MCTP1: variants seen among roughly 807,000 people sequenced by gnomAD.
The protein encoded by MCTP1 is multiple C2 and transmembrane domain-containing protein 1.
A neutral mutation model predicts 120.6 loss-of-function variants in MCTP1; 69 were observed. That is an observed-to-expected ratio of 0.57 (90% CI 0.47 to 0.70). The LOEUF (loss-of-function observed/expected upper bound fraction) is 0.70. Among genes scored for constraint, MCTP1 ranks in the 30% least tolerant of loss-of-function variants. The pLI is 0.00. For missense variants in MCTP1, 1,203 were observed against 1,248.8 expected, an observed-to-expected ratio of 0.96 and a Z score of 0.55; for synonymous variants, 529 against 493.1, an observed-to-expected ratio of 1.07 and a Z score of -0.96.
chr5:94,996,462 A>T (rs116106687), intron 2 of MCTP1, among the ~76,000 whole-genome samples: 2,515 of 152,302 alleles, frequency 0.017, 39 homozygotes, highest in Non-Finnish European at 0.025. Flanking sequence ...TGGCTCTAGG[A>T]TGCCCCGTGG....
At chr5:94,817,764 C>G (rs1784788277) in intron 17 of MCTP1, among the ~76,000 whole-genome samples, 1 of 152,146 alleles carries the variant, frequency 6.6e-6, no homozygotes, top group African/African-American at 2.4e-5. Flanking sequence ...TCATCTGAAC[C>G]ATTATTGGTT....
chr5:95,158,329 C>CT (rs939826525), intron 1 of MCTP1, among the ~76,000 whole-genome samples: 2 of 152,084 alleles, frequency 1.3e-5, no homozygotes, highest in Non-Finnish European at 2.9e-5. Flanking sequence ...TTCTATAGGC[C>CT]TTTGTGCATT....
chr5:95,099,345 A>G (rs968468975), intron 1 of MCTP1, among the ~76,000 whole-genome samples: 4 of 151,054 alleles, frequency 2.6e-5, no homozygotes, highest in African/African-American at 9.7e-5. Flanking sequence ...AACCCACAAA[A>G]TGGGAGAAAA....
chr5:95,211,691 C>T lies in MCTP1; in HGVS notation c.720+72165G>A, dbSNP rs188188999. On this transcript the variant is annotated intron_variant, in intron 1 of 22. Transcript: ENST00000515393. ...CACTCAACTTGTCAAAGTCATTCTCCGTCCAGCTTTGTCCCATTGCTGGTG... is the reference window on the plus strand; with the variant it reads ...CACTCAACTTGTCAAAGTCATTCTCTGTCCAGCTTTGTCCCATTGCTGGTG... 3.6e-3 allele frequency among the ~76,000 whole-genome samples: 551 copies of T among 152,292 alleles called. 6 individuals carry two copies. Among genetic ancestry groups the T allele is most frequent in the African/African-American group, 0.012 (505 of 41,564 alleles).
At chr5:94,856,232 C>T (rs1233033386) in intron 17 of MCTP1, among the ~76,000 whole-genome samples, 1 of 151,690 alleles carries the variant, frequency 6.6e-6, no homozygotes, top group Admixed American at 6.6e-5. Flanking sequence ...TAAAATTCTT[C>T]AATCATGTTA....
At chr5:95,227,627 T>A (rs773061191) in intron 1 of MCTP1, among the ~76,000 whole-genome samples, 5 of 152,322 alleles carry the variant, frequency 3.3e-5, no homozygotes, top group Non-Finnish European at 7.4e-5. Flanking sequence ...AGGGCACATG[T>A]ACAATTGTCT....
At chr5:94,807,037 T>C (rs910603769) in intron 17 of MCTP1, among the ~76,000 whole-genome samples, 6 of 152,234 alleles carry the variant, frequency 3.9e-5, no homozygotes, top group African/African-American at 1.4e-4. Context: ...TATTAACCCA[T>C]TTTTTACCCA....
At chr5:94,904,826 T>C (rs1387291805) in intron 10 of MCTP1, among the ~76,000 whole-genome samples, 1 of 152,214 alleles carries the variant, frequency 6.6e-6, no homozygotes, top group Non-Finnish European at 1.5e-5. Context: ...CCAGGAAATA[T>C]TTACTGAGTG....
intron 17 of MCTP1, among the ~76,000 whole-genome samples, chr5:94,838,395 C>T (rs1032774323): frequency 2.0e-5 from 3 of 152,182 alleles, no homozygotes; most frequent in Non-Finnish European, 2.9e-5. Flanking sequence ...ATTCTTGTAA[C>T]TGAAAATGTC....
In MCTP1 at chr5:94,989,780, C is replaced by G. The variant is rs150992965; in HGVS notation, c.838+27587G>C. Among the ~76,000 whole-genome samples the G allele has an allele frequency of 1.6e-3, 238 of 152,244 alleles. 2 individuals are homozygous for G. The highest frequency in any genetic ancestry group is 5.4e-3 in the African/African-American group (225 of 41,544). On this transcript the variant is annotated intron_variant, in intron 2 of 22. Transcript: ENST00000515393. Reference sequence around the variant, plus strand: ...AGGGGATCCAGATTGAGATCAATCACCAATGGCCAGTGGCTTAATCAACCA... The same window carrying G: ...AGGGGATCCAGATTGAGATCAATCAGCAATGGCCAGTGGCTTAATCAACCA...
chr5:94,710,965 T>C, intron 20 of MCTP1, 38 bp from the exon 21 acceptor site: 1 of 1,366,304 alleles, frequency 7.3e-7, no homozygotes. Context: ...TCTGAGTACT[T>C]CATACTTTTT....
intron 2 of MCTP1, among the ~76,000 whole-genome samples, chr5:94,990,513 G>A (rs918548478): frequency 2.0e-5 from 3 of 152,106 alleles, no homozygotes; most frequent in African/African-American, 7.2e-5. Context: ...CCTCTTCAAG[G>A]CCAGCAAGAG....
intron 2 of MCTP1, among the ~76,000 whole-genome samples, chr5:94,988,505 T>C (rs1229516362): frequency 2.0e-5 from 3 of 152,166 alleles, no homozygotes; most frequent in Non-Finnish European, 4.4e-5. Context: ...AATGAAAGTG[T>C]TCTTCAGCAT....
chr5:94,720,223 C>G lies in MCTP1; in HGVS notation c.2611-5337G>C, dbSNP rs1207981246. Among the ~76,000 whole-genome samples, 4 of 151,142 alleles carry G rather than the reference C, an allele frequency of 2.6e-5. No individual in the cohort carries two copies. The East Asian group carries it at 7.8e-4, about 29-fold the overall frequency. ...CAATACAGGGAAGTTATTTACTGAC[C>G]TTGGAATAGGAAAGAACTTTCTAAA... is the stretch of plus-strand genomic sequence containing the variant. On this transcript the variant is annotated intron_variant, in intron 19 of 22. Coordinates refer to ENST00000515393, the MANE Select transcript of MCTP1 (RefSeq NM_024717.7).
chr5:94,851,875 A>G (rs893753769), intron 17 of MCTP1, among the ~76,000 whole-genome samples: 1 of 151,932 alleles, frequency 6.6e-6, no homozygotes, highest in Non-Finnish European at 1.5e-5. Flanking sequence ...GTAGGAGTGA[A>G]GGTATTAACC....
intron 1 of MCTP1, chr5:95,038,162 T>G (rs938700047): frequency 4.1e-6 from 4 of 978,130 alleles, no homozygotes; most frequent in African/African-American, 1.8e-5. Flanking sequence ...GTTGTGCGAA[T>G]AGCAAGTTAT....
intron 1 of MCTP1, among the ~76,000 whole-genome samples, chr5:95,159,080 T>C (rs986259173): frequency 6.6e-6 from 1 of 152,210 alleles, no homozygotes; most frequent in Non-Finnish European, 1.5e-5. Context: ...ACTACAACCA[T>C]GTAGAATTAA....
chr5:94,971,050 A>T (rs1037925814), intron 2 of MCTP1, among the ~76,000 whole-genome samples: 3 of 152,126 alleles, frequency 2.0e-5, no homozygotes, highest in Non-Finnish European at 2.9e-5. Context: ...CAGTACTCCT[A>T]TAGCCAAAGA....
chr5:94,953,513 T>A (rs1821166520), intron 2 of MCTP1, 152 bp from the exon 3 acceptor site: 1 of 484,902 alleles, frequency 2.1e-6, no homozygotes, highest in Non-Finnish European at 3.4e-6. Flanking sequence ...TCTTATGAAT[T>A]TTTTATTATA....
Sources: allele counts gnomAD v4.1 joint callset (sites outside exome capture counted in the v4.1 genomes callset), GRCh38; gene constraint gnomAD v4.1.1; transcripts MANE v1.5; gene names NCBI Gene and HGNC (gene_info 2026-07-23, HGNC 2026-07-21).